INTS6: variants seen among roughly 807,000 people sequenced by gnomAD.
INTS6 encodes integrator complex subunit 6, also known as DEAD box protein.
Under a neutral mutation model 104.9 loss-of-function variants are expected in INTS6, and 16 were observed. The ratio of observed to expected loss-of-function variants is 0.15; its 90% CI spans 0.10 to 0.23. INTS6 has a LOEUF of 0.23. INTS6 is among the 10% of genes least tolerant of loss of function. The pLI is 1.00. For missense variants in INTS6, 584 were observed against 1,062.8 expected (o/e 0.55, Z 6.26); for synonymous variants, 324 against 358.7 (o/e 0.90, Z 1.09).
intron 6 of INTS6, among the ~76,000 whole-genome samples, chr13:51,388,550 C>T (rs540079919): frequency 7.2e-5 from 11 of 152,204 alleles, no homozygotes; most frequent in Admixed American, 2.0e-4. Flanking sequence ...TGCGCCACCA[C>T]GCCTGGCTCA....
chr13:51,407,999 A>G (rs1378328536), intron 4 of INTS6, among the ~76,000 whole-genome samples: 1 of 150,576 alleles, frequency 6.6e-6, no homozygotes, highest in African/African-American at 2.4e-5. Flanking sequence ...CCTGGGCAAC[A>G]GAGTGAGACT....
intron 4 of INTS6, among the ~76,000 whole-genome samples, chr13:51,428,811 A>G (rs1336632764): frequency 6.6e-6 from 1 of 152,186 alleles, no homozygotes; most frequent in Non-Finnish European, 1.5e-5. Context: ...ATGGATTATA[A>G]TCTACCTAAA....
downstream of INTS6, among the ~76,000 whole-genome samples, chr13:51,351,022 A>G (rs1021436533): frequency 6.6e-6 from 1 of 152,156 alleles, no homozygotes; most frequent in Non-Finnish European, 1.5e-5. Flanking sequence ...TTGATATAGT[A>G]CATTTTGTTT....
chr13:51,428,883 A>G (rs1182878420), intron 4 of INTS6, among the ~76,000 whole-genome samples: 1 of 152,206 alleles, frequency 6.6e-6, no homozygotes, highest in Non-Finnish European at 1.5e-5. Context: ...CTGTTCAAAT[A>G]AAACAATTTT....
At chr13:51,424,599 T>C (rs1489500134) in intron 4 of INTS6, among the ~76,000 whole-genome samples, 1 of 151,944 alleles carries the variant, frequency 6.6e-6, no homozygotes, top group East Asian at 1.9e-4. Context: ...GAAATACAAA[T>C]GGTCTACATT....
At chr13:51,375,897 G>C (rs951374101) in intron 13 of INTS6, 151 bp downstream of exon 13, 13 of 618,402 alleles carry the variant, frequency 2.1e-5, no homozygotes, top group Admixed American at 3.6e-5. Context: ...CAGAATCAGG[G>C]ATGATTCACC....
intron 4 of INTS6, among the ~76,000 whole-genome samples, chr13:51,405,325 C>T (rs1476536119): frequency 6.6e-6 from 1 of 151,960 alleles, no homozygotes; most frequent in Non-Finnish European, 1.5e-5. Flanking sequence ...AGAGAAATAA[C>T]GTCCAGGGAA....
At chr13:51,358,716 T>C (rs986009501), downstream of INTS6, among the ~76,000 whole-genome samples, 1 of 152,054 alleles carries the variant, frequency 6.6e-6, no homozygotes, top group African/African-American at 2.4e-5. Flanking sequence ...TAGGAGCTAA[T>C]AGTCTAAAAA....
chr13:51,399,995 G>A (rs1233658514), intron 4 of INTS6, among the ~76,000 whole-genome samples: 2 of 152,280 alleles, frequency 1.3e-5, no homozygotes, highest in South Asian at 4.1e-4. Flanking sequence ...GTGAGCAGTG[G>A]GCAAGCAAGC....
chr13:51,452,219 G>T lies in INTS6; in HGVS notation c.112-164C>A. On this transcript the variant is annotated intron_variant, in intron 1 of 17. Coordinates refer to ENST00000311234, the MANE Select transcript of INTS6 (RefSeq NM_012141.3). The surrounding 1 kb of genome is among the most constrained non-coding windows in gnomAD (Gnocchi z 4.2). ...ACACACAGATCGCTCCCCACACACCGCCCGGGGCCGGAGCCCGGGCCCCGG... is the reference window on the plus strand; with the variant it reads ...ACACACAGATCGCTCCCCACACACCTCCCGGGGCCGGAGCCCGGGCCCCGG... 1.5e-6 allele frequency: 1 copy of T among 647,956 alleles called. No homozygotes were observed. The highest frequency in any genetic ancestry group is 2.2e-6 in the Non-Finnish European group (1 of 459,592). The allele number at this position is 647,956 out of a possible 1,614,324, so 40.1% of individuals were successfully genotyped here. A position where few individuals can be genotyped will look rare whatever the true frequency, so the allele number is the denominator to read the frequency against.
At position 51,362,774 on chromosome 13, in the gene INTS6, T is replaced by C. The variant is rs1955607910; in HGVS notation, c.*2978A>G. 1 of 152,456 alleles carries C rather than the reference T, an allele frequency of 6.6e-6. No individual in the cohort carries two copies. Among genetic ancestry groups the C allele is most frequent in the South Asian group, 2.1e-4 (1 of 4,834 alleles). 9.4% of individuals were successfully genotyped at this position (152,456 alleles called of 1,614,324 possible). ...TGTTAAGGAAATACTGTCAACATCA[T>C]TTTATCTGAGAATCATTTGCATCCT... On this transcript the variant is annotated 3_prime_UTR_variant, in exon 18 of 18. Coordinates refer to ENST00000311234, the MANE Select transcript of INTS6 (RefSeq NM_012141.3).
At chr13:51,344,305 A>C in the INTS6 span, 1 of 1,613,840 alleles carries the variant, frequency 6.2e-7, no homozygotes, top group Non-Finnish European at 8.5e-7. Flanking sequence ...ACCCACCTCC[A>C]GCCAAGGCAC....
chr13:51,438,672 A>G (rs985027191), intron 3 of INTS6: 4 of 152,226 alleles, frequency 2.6e-5, no homozygotes, highest in Admixed American at 2.6e-4. Context: ...TGTGGATGCA[A>G]TCTCTTGGTT....
chr13:51,395,990 G>A (rs1343244254), intron 4 of INTS6, among the ~76,000 whole-genome samples: 1 of 152,012 alleles, frequency 6.6e-6, no homozygotes, highest in Non-Finnish European at 1.5e-5. Flanking sequence ...TAGAGACAGA[G>A]TTTTGCCATG....
chr13:51,348,317 C>A, the INTS6 span: 1 of 1,613,690 alleles, frequency 6.2e-7, no homozygotes, highest in South Asian at 1.1e-5. Flanking sequence ...CAAAGACACC[C>A]CCCTGAGCCA....
At chr13:51,450,836 A>G in intron 3 of INTS6, 189 bp downstream of exon 3, 3 of 1,211,260 alleles carry the variant, frequency 2.5e-6, no homozygotes, top group Non-Finnish European at 3.1e-6. Context: ...TGCATTTTAG[A>G]GGGGGAAAAA....
the INTS6 span, chr13:51,341,091 C>G: frequency 1.2e-6 from 2 of 1,613,564 alleles, no homozygotes; most frequent in Non-Finnish European, 1.7e-6. Flanking sequence ...TCCCAGCCTC[C>G]ATGCCGCCTT....
At chr13:51,451,937 G>C in intron 2 of INTS6, 41 bp downstream of exon 2, 1 of 1,509,632 alleles carries the variant, frequency 6.6e-7, no homozygotes, top group South Asian at 1.1e-5. Context: ...GGAAGGAACA[G>C]GGAAGGGAAG....
the INTS6 span, among the ~76,000 whole-genome samples, chr13:51,345,125 TTGTCTC>T: frequency 6.6e-6 from 1 of 152,172 alleles, no homozygotes; most frequent in Non-Finnish European, 1.5e-5. Flanking sequence ...TCCCAGTTGA[TTGTCTC>T]AGTTCACCCT....
Sources: allele counts gnomAD v4.1 joint callset (sites outside exome capture counted in the v4.1 genomes callset), GRCh38; gene constraint gnomAD v4.1.1; non-coding constraint Gnocchi (gnomAD v3.1); transcripts MANE v1.5; gene names NCBI Gene and HGNC (gene_info 2026-07-23, HGNC 2026-07-21).